HADHB: variants seen among roughly 807,000 people sequenced by gnomAD.
HADHB encodes the protein hydroxyacyl-CoA dehydrogenase trifunctional multienzyme complex subunit beta.
HADHB carries 50 observed loss-of-function variants against 61.9 expected under a neutral mutation model. The observed-to-expected ratio is 0.81, with a 90% CI of 0.64 to 1.02. The LOEUF is 1.02. Among genes scored for constraint, HADHB ranks in the 50% least tolerant of loss-of-function variants. HADHB has a pLI of 0.00. For missense variants in HADHB, 504 were observed against 586.5 expected, an observed-to-expected ratio of 0.86 and a Z score of 1.45; for synonymous variants, 191 against 201.6, an observed-to-expected ratio of 0.95 and a Z score of 0.45.
chr2:26,245,088 C>T (rs531452580), intron 1 of HADHB, 98 bp downstream of exon 1: 97 of 213,952 alleles, frequency 4.5e-4, no homozygotes, highest in Non-Finnish European at 7.5e-4. Flanking sequence ...GGCCCCCTCC[C>T]CTCCCTGGGA....
At chr2:26,254,710 C>T (rs1671538788) in intron 3 of HADHB, 1 of 492,762 alleles carries the variant, frequency 2.0e-6, no homozygotes, top group South Asian at 2.2e-5. Context: ...GGGATTTGAA[C>T]CTGCTGGAGT....
At chr2:26,280,578 T>G (rs57478395) in intron 10 of HADHB, among the ~76,000 whole-genome samples, 1 of 151,640 alleles carries the variant, frequency 6.6e-6, no homozygotes, top group Non-Finnish European at 1.5e-5. Flanking sequence ...TCAGGCCGGG[T>G]GCGGTGGCTC....
chr2:26,287,134 G>A (rs755564398), intron 15 of HADHB, among the ~76,000 whole-genome samples: 3 of 152,028 alleles, frequency 2.0e-5, no homozygotes, highest in African/African-American at 7.2e-5. Context: ...AACCCGGGAG[G>A]TGGAGGTTGC....
intron 4 of HADHB, among the ~76,000 whole-genome samples, chr2:26,268,600 C>G (rs1672199899): frequency 6.6e-6 from 1 of 152,144 alleles, no homozygotes; most frequent in African/African-American, 2.4e-5. Context: ...TCCATAACCC[C>G]AGTCTTCAAA....
chr2:26,269,565 T>C (rs1672253289), intron 4 of HADHB, among the ~76,000 whole-genome samples: 1 of 152,162 alleles, frequency 6.6e-6, no homozygotes, highest in African/African-American at 2.4e-5. Flanking sequence ...AAAGTCCTAA[T>C]ACATCACCTG....
chr2:26,251,449 A>G (rs1671394421), intron 1 of HADHB, among the ~76,000 whole-genome samples: 1 of 152,158 alleles, frequency 6.6e-6, no homozygotes, highest in South Asian at 2.1e-4. Flanking sequence ...CGGCCTCCCA[A>G]AGTGCTGGGA....
At chr2:26,271,910 T>A (rs906192267) in intron 5 of HADHB, among the ~76,000 whole-genome samples, 29 of 151,740 alleles carry the variant, frequency 1.9e-4, no homozygotes, top group Non-Finnish European at 2.7e-4. Flanking sequence ...AAAAAAAAAA[T>A]TTTTTTTAAA....
chr2:26,270,012 T>C lies in HADHB; in HGVS notation c.254+15T>C. The C allele has an allele frequency of 1.3e-6, 2 of 1,556,256 alleles. No individual in the cohort carries two copies. Among genetic ancestry groups the C allele is most frequent in the Non-Finnish European group, 1.8e-6 (2 of 1,127,384 alleles). Reference sequence around the variant, plus strand: ...GCAGCGCTTACGTAAGTAAATGCAGTTTCATTTCCGTTCTTATTTCATTAA... The same window carrying C: ...GCAGCGCTTACGTAAGTAAATGCAGCTTCATTTCCGTTCTTATTTCATTAA... On this transcript the variant is annotated intron_variant, in intron 5 of 15. Transcript: ENST00000317799.
intron 15 of HADHB, 100 bp downstream of exon 15, chr2:26,285,671 G>T: frequency 1.8e-5 from 14 of 771,238 alleles, no homozygotes; most frequent in East Asian, 8.5e-5. Flanking sequence ...CAATATTTTT[G>T]ATGACCTGGG....
chr2:26,246,429 T>C (rs1671163824), intron 1 of HADHB, among the ~76,000 whole-genome samples: 1 of 151,568 alleles, frequency 6.6e-6, no homozygotes, highest in Non-Finnish European at 1.5e-5. Context: ...TGCAGCCTCC[T>C]CCCGGGTTCA....
At chr2:26,246,829 T>C (rs1671184737) in intron 1 of HADHB, among the ~76,000 whole-genome samples, 1 of 152,120 alleles carries the variant, frequency 6.6e-6, no homozygotes, top group African/African-American at 2.4e-5. Flanking sequence ...TTTAGTCCAA[T>C]GGTTTATATA....
At chr2:26,253,867 AAT>A (rs1440246945) in intron 1 of HADHB, among the ~76,000 whole-genome samples, 6,568 of 148,278 alleles carry the variant, frequency 0.044, 236 homozygotes, top group Admixed American at 0.063. Flanking sequence ...AAAATAAATA[AAT>A]AAATAAATAA....
intron 5 of HADHB, 148 bp from the exon 6 acceptor site, chr2:26,273,503 A>G: frequency 3.0e-6 from 2 of 662,106 alleles, no homozygotes; most frequent in Admixed American, 2.2e-5. Flanking sequence ...GAAGGTGCCA[A>G]ATGCTTGTCA....
At chr2:26,247,320 G>T (rs1240221855) in intron 1 of HADHB, among the ~76,000 whole-genome samples, 1 of 152,134 alleles carries the variant, frequency 6.6e-6, no homozygotes, top group Non-Finnish European at 1.5e-5. Context: ...ATGACAGAAA[G>T]GTCAGCTCTG....
At chr2:26,245,968 A>G (rs1487390498) in intron 1 of HADHB, among the ~76,000 whole-genome samples, 1 of 152,238 alleles carries the variant, frequency 6.6e-6, no homozygotes, top group African/African-American at 2.4e-5. Context: ...GCTCTGCAGG[A>G]CAGGAAACAA....
intron 15 of HADHB, among the ~76,000 whole-genome samples, chr2:26,289,710 ACT>A (rs1265780725): frequency 6.6e-6 from 1 of 152,180 alleles, no homozygotes; most frequent in African/African-American, 2.4e-5. Flanking sequence ...GCCCACAAAA[ACT>A]CTATGAAGTA....
At position 26,279,333 on chromosome 2, in the gene HADHB, A is replaced by T; in HGVS notation, c.811+18A>T. On this transcript the variant is annotated intron_variant, in intron 9 of 15. Coordinates refer to ENST00000317799, the MANE Select transcript of HADHB (RefSeq NM_000183.3). Reference sequence around the variant, plus strand: ...AGTACCAGGTGAAATGAAATGCTTCATGACACTTATTAGGGAGTTCTGAAT... The same window carrying T: ...AGTACCAGGTGAAATGAAATGCTTCTTGACACTTATTAGGGAGTTCTGAAT... The T allele has an allele frequency of 6.4e-7, 1 of 1,556,260 alleles. No individual in the cohort carries two copies. Among genetic ancestry groups the T allele is most frequent in the Non-Finnish European group, 8.9e-7 (1 of 1,127,296 alleles).
At chr2:26,261,604 A>G (rs1671868629) in intron 3 of HADHB, 1 of 152,562 alleles carries the variant, frequency 6.6e-6, no homozygotes, top group Non-Finnish European at 1.5e-5. Context: ...GTAAAACCCC[A>G]TCTTTACTAA....
chr2:26,282,963 T>C (rs199889161), intron 11 of HADHB, 39 bp downstream of exon 11: 1 of 1,603,088 alleles, frequency 6.2e-7, no homozygotes, highest in Non-Finnish European at 8.5e-7. Context: ...CTGATTTCTT[T>C]ATTTTATTAC....
Sources: allele counts gnomAD v4.1 joint callset (sites outside exome capture counted in the v4.1 genomes callset), GRCh38; gene constraint gnomAD v4.1.1; transcripts MANE v1.5; gene names NCBI Gene and HGNC (gene_info 2026-07-23, HGNC 2026-07-21).